Variants in RNF220 observed in about 807,000 individuals in gnomAD.
The protein encoded by RNF220 is E3 ubiquitin-protein ligase RNF220.
RNF220 carries 7 observed loss-of-function variants against 67.1 expected under a neutral mutation model. The ratio of observed to expected loss-of-function variants is 0.10; its 90% confidence interval spans 0.06 to 0.20. The LOEUF is 0.20. RNF220 is among the 10% of genes least tolerant of loss of function. RNF220 has a pLI of 1.00. For synonymous variants in RNF220, 270 were observed against 283.2 expected (o/e 0.95, Z 0.47); for missense variants, 565 against 740.3 (o/e 0.76, Z 2.75).
intron 2 of RNF220, among the ~76,000 whole-genome samples, chr1:44,506,759 A>T (rs1389157591): frequency 6.6e-6 from 1 of 152,150 alleles, no homozygotes. Flanking sequence ...TTCCCCACTG[A>T]CTTGCCCGGT....
At chr1:44,560,156 G>T (rs1377265474) in intron 2 of RNF220, among the ~76,000 whole-genome samples, 1 of 152,218 alleles carries the variant, frequency 6.6e-6, no homozygotes, top group Non-Finnish European at 1.5e-5. Context: ...GTGGGGAACT[G>T]GGTCTAAATC....
intron 2 of RNF220, among the ~76,000 whole-genome samples, chr1:44,415,093 T>A (rs969392209): frequency 1.3e-5 from 2 of 149,072 alleles, no homozygotes; most frequent in South Asian, 2.2e-4. Context: ...TGATTGCGAA[T>A]TTTTGGAAGG....
In RNF220 at chr1:44,405,466, T is replaced by C; in HGVS notation, c.-182T>C. ...ACCCGGGACTTTTCATGCACCACAC[T>C]CTCCGCCTGCTTCCCTCCGTGTCCT... is the stretch of plus-strand genomic sequence containing the variant. On this transcript the variant is annotated 5_prime_UTR_variant, in exon 1 of 15. Coordinates refer to ENST00000361799, the MANE Select transcript of RNF220 (RefSeq NM_018150.4). 2 of 557,930 alleles carry C rather than the reference T, an allele frequency of 3.6e-6. No homozygotes were observed. Among genetic ancestry groups the C allele is most frequent in the Admixed American group, 3.2e-5 (1 of 31,442 alleles). 34.6% of individuals were successfully genotyped at this position (557,930 alleles called of 1,614,324 possible). A position where few individuals can be genotyped will look rare whatever the true frequency, so the allele number is the denominator to read the frequency against.
chr1:44,429,695 G>A (rs1161887069), intron 2 of RNF220, among the ~76,000 whole-genome samples: 2 of 152,238 alleles, frequency 1.3e-5, no homozygotes, highest in Admixed American at 6.5e-5. Flanking sequence ...GGAATTGTTA[G>A]TAATTTGTTT....
intron 2 of RNF220, among the ~76,000 whole-genome samples, chr1:44,416,525 C>T (rs1648553637): frequency 6.6e-6 from 1 of 152,252 alleles, no homozygotes; most frequent in Non-Finnish European, 1.5e-5. Context: ...TGCCCCTGTG[C>T]CCAGATTCCT....
intron 4 of RNF220, among the ~76,000 whole-genome samples, chr1:44,625,503 T>C (rs1295622666): frequency 6.6e-6 from 1 of 152,190 alleles, no homozygotes; most frequent in Non-Finnish European, 1.5e-5. Context: ...CATGGTTTTC[T>C]AAGCTGGGGA....
chr1:44,509,885 C>CA (rs57479392), intron 2 of RNF220, among the ~76,000 whole-genome samples: 24 of 106,090 alleles, frequency 2.3e-4, no homozygotes, highest in African/African-American at 8.4e-4. Context: ...AGACCCTGTC[C>CA]AAAAAAAAAA....
At position 44,565,159 on chromosome 1, in the gene RNF220, G is replaced by A. The variant is rs1204106076; in HGVS notation, c.626-49006G>A. ...AGTGAGTGAACAAACTGATCAACCA[G>A]TAACCAACAAACTGACAGATAGATG... On this transcript the variant is annotated intron_variant, in intron 2 of 14. Coordinates refer to ENST00000361799, the MANE Select transcript of RNF220 (RefSeq NM_018150.4). This position sits in a 1 kb window ranked among gnomAD's most constrained non-coding sequence, Gnocchi z 4.2. Among the ~76,000 whole-genome samples, 2 of 152,214 alleles carry A rather than the reference G, an allele frequency of 1.3e-5. No homozygotes were observed. Among genetic ancestry groups the A allele is most frequent in the African/African-American group, 4.8e-5 (2 of 41,456 alleles).
At chr1:44,545,206 A>G (rs957470690) in intron 2 of RNF220, among the ~76,000 whole-genome samples, 2 of 152,176 alleles carry the variant, frequency 1.3e-5, no homozygotes, top group African/African-American at 4.8e-5. Context: ...CACAAAGGGA[A>G]CTCGGAGATG....
intron 2 of RNF220, among the ~76,000 whole-genome samples, chr1:44,604,171 A>T (rs1359964277): frequency 6.6e-6 from 1 of 152,238 alleles, no homozygotes; most frequent in South Asian, 2.1e-4. Context: ...ATGCAAAAAA[A>T]TACCCACACC....
At chr1:44,472,448 C>G (rs1654899245) in intron 2 of RNF220, among the ~76,000 whole-genome samples, 1 of 152,074 alleles carries the variant, frequency 6.6e-6, no homozygotes, top group Non-Finnish European at 1.5e-5. Flanking sequence ...GGGTGTAAAG[C>G]AATATCTCAT....
At chr1:44,408,110 C>T (rs1647574077) in intron 1 of RNF220, among the ~76,000 whole-genome samples, 1 of 152,210 alleles carries the variant, frequency 6.6e-6, no homozygotes, top group African/African-American at 2.4e-5. Context: ...GGCTCGGCTC[C>T]GCGTTGGGCC....
intron 2 of RNF220, among the ~76,000 whole-genome samples, chr1:44,483,205 G>C (rs1655992983): frequency 6.6e-6 from 1 of 152,060 alleles, no homozygotes; most frequent in Non-Finnish European, 1.5e-5. Context: ...CGCCAGGATT[G>C]CAGGCATGAA....
At chr1:44,528,614 CTTT>C (rs71036683) in intron 2 of RNF220, among the ~76,000 whole-genome samples, 9,588 of 131,940 alleles carry the variant, frequency 0.073, 669 homozygotes, top group East Asian at 0.33. Context: ...AAATTGGCAA[CTTT>C]TTTTTTTTTT....
At chr1:44,634,389 A>G (rs1644262942) in intron 6 of RNF220, among the ~76,000 whole-genome samples, 1 of 152,240 alleles carries the variant, frequency 6.6e-6, no homozygotes, top group Admixed American at 6.5e-5. Context: ...TAAATGAGCT[A>G]CCTTGGGTAA....
chr1:44,504,795 T>A (rs1658263881), intron 2 of RNF220, among the ~76,000 whole-genome samples: 1 of 152,192 alleles, frequency 6.6e-6, no homozygotes, highest in Admixed American at 6.5e-5. Flanking sequence ...TGACCATATC[T>A]GTCTTAAGAA....
chr1:44,605,235 G>C (rs1487240255), intron 2 of RNF220, among the ~76,000 whole-genome samples: 1 of 149,878 alleles, frequency 6.7e-6, no homozygotes, highest in Non-Finnish European at 1.5e-5. Flanking sequence ...GGAGGCAGAG[G>C]TTGCAGTGAG....
At chr1:44,445,385 C>T (rs1051037167) in intron 2 of RNF220, among the ~76,000 whole-genome samples, 2 of 152,124 alleles carry the variant, frequency 1.3e-5, no homozygotes, top group South Asian at 2.1e-4. Context: ...TTGTAATTCC[C>T]GTCCCTAAAA....
chr1:44,509,240 G>A (rs1279518975), intron 2 of RNF220, among the ~76,000 whole-genome samples: 1 of 152,154 alleles, frequency 6.6e-6, no homozygotes, highest in Non-Finnish European at 1.5e-5. Flanking sequence ...GAGCAACAAG[G>A]AGGATGGTAT....
Sources: gnomAD v4.1 joint callset for allele counts (sites outside exome capture counted in the v4.1 genomes callset) on GRCh38, gnomAD v4.1.1 for gene constraint, Gnocchi (gnomAD v3.1) non-coding constraint, MANE v1.5 for transcripts, NCBI Gene and HGNC (gene_info 2026-07-23, HGNC 2026-07-21) for gene names.